The following FNDC1 variants were observed in gnomAD, a reference collection of about 807,000 sequenced individuals.
FNDC1 encodes the protein fibronectin type III domain containing 1.
Under a neutral mutation model 168.0 loss-of-function variants are expected in FNDC1, and 96 were observed. That is an observed-to-expected ratio of 0.57 (90% confidence interval 0.48 to 0.68). The LOEUF (loss-of-function observed/expected upper bound fraction) is 0.68. Among genes scored for constraint, FNDC1 ranks in the 30% least tolerant of loss-of-function variants. FNDC1 has a pLI of 0.00. For synonymous variants in FNDC1, 1,099 were observed against 1,025.9 expected, an observed-to-expected ratio of 1.07 and a Z score of -1.36; for missense variants, 2,587 against 2,482.1, an observed-to-expected ratio of 1.04 and a Z score of -0.90.
At chr6:159,176,092 G>A (rs1010883441) in intron 1 of FNDC1, among the ~76,000 whole-genome samples, 8 of 152,120 alleles carry the variant, frequency 5.3e-5, no homozygotes, top group African/African-American at 7.2e-5. Context: ...ATGGTGTCAC[G>A]TCCCTTCATC....
chr6:159,233,600 C>T lies in FNDC1; in HGVS notation c.3088C>T (p.Gln1030Ter). 6.3e-7 allele frequency: 1 copy of T among 1,578,648 alleles called. No individual in the cohort carries two copies. Among genetic ancestry groups the T allele is most frequent in the Non-Finnish European group, 8.6e-7 (1 of 1,165,498 alleles). Reference sequence around the variant, plus strand: ...CAGAGACGCGGGTCGGTCACCTTCCCAGCCCAGGCTCTCACTGACCCAGGC... The same window carrying T: ...CAGAGACGCGGGTCGGTCACCTTCCTAGCCCAGGCTCTCACTGACCCAGGC... ...QSRDAGRSPS[Q>*]PRLSLTQAGR... The change falls in exon 11 of 23, where the codon CAG becomes TAG. Residue 1030 changes from glutamine to a stop codon, truncating the protein, a stop_gained. Transcript: ENST00000297267. LOFTEE classifies it high-confidence loss of function. This position sits in a 1 kb window ranked among gnomAD's most constrained non-coding sequence, Gnocchi z 4.6.
intron 1 of FNDC1, among the ~76,000 whole-genome samples, chr6:159,170,913 A>G (rs935134811): frequency 6.6e-6 from 1 of 152,184 alleles, no homozygotes; most frequent in Non-Finnish European, 1.5e-5. Context: ...AAGTCTTCCA[A>G]CTTCCCCACC....
chr6:159,217,451 C>G (rs1185586909), intron 5 of FNDC1, among the ~76,000 whole-genome samples: 1 of 152,196 alleles, frequency 6.6e-6, no homozygotes, highest in Non-Finnish European at 1.5e-5. Flanking sequence ...TAAGCTGACT[C>G]TACTTTGTGT....
intron 1 of FNDC1, among the ~76,000 whole-genome samples, chr6:159,178,107 A>G (rs1488591036): frequency 6.6e-6 from 1 of 152,110 alleles, no homozygotes; most frequent in Non-Finnish European, 1.5e-5. Context: ...TGATAACAAG[A>G]GCTCTCAGCA....
At chr6:159,208,070 G>A (rs1782525956) in intron 4 of FNDC1, among the ~76,000 whole-genome samples, 1 of 152,220 alleles carries the variant, frequency 6.6e-6, no homozygotes, top group South Asian at 2.1e-4. Context: ...TGGATCTAGA[G>A]TAGATGCTTC....
intron 1 of FNDC1, among the ~76,000 whole-genome samples, chr6:159,171,056 G>A (rs1781646259): frequency 6.6e-6 from 1 of 152,040 alleles, no homozygotes; most frequent in Non-Finnish European, 1.5e-5. Flanking sequence ...CTGCTTTTCC[G>A]ATTCCTCTGC....
chr6:159,197,355 A>T (rs2485358), intron 1 of FNDC1, 76 bp from the exon 2 acceptor site: 55 of 1,335,358 alleles, frequency 4.1e-5, no homozygotes, highest in Non-Finnish European at 5.6e-5. Flanking sequence ...TTTCCTAACA[A>T]TATCAAAGAC....
intron 4 of FNDC1, among the ~76,000 whole-genome samples, chr6:159,210,020 G>C (rs1782565386): frequency 6.6e-6 from 1 of 152,204 alleles, no homozygotes; most frequent in South Asian, 2.1e-4. Context: ...ATAGTGCACT[G>C]AGCAGATCTT....
At chr6:159,204,026 A>G (rs1782432743) in intron 4 of FNDC1, among the ~76,000 whole-genome samples, 1 of 152,240 alleles carries the variant, frequency 6.6e-6, no homozygotes. Context: ...AACTAGGCCT[A>G]GTACTGAAAT....
At chr6:159,187,320 C>T (rs1442071527) in intron 1 of FNDC1, among the ~76,000 whole-genome samples, 2 of 152,178 alleles carry the variant, frequency 1.3e-5, no homozygotes, top group Non-Finnish European at 2.9e-5. Context: ...GCACCTGGGA[C>T]ACCTGCTTGC....
chr6:159,192,527 G>A (rs1388119332), intron 1 of FNDC1, among the ~76,000 whole-genome samples: 1 of 152,204 alleles, frequency 6.6e-6, no homozygotes, highest in Admixed American at 6.5e-5. Flanking sequence ...CCATGGATAT[G>A]CCTGGACACT....
At chr6:159,260,717 G>A (rs977223011) in intron 18 of FNDC1, among the ~76,000 whole-genome samples, 1 of 152,168 alleles carries the variant, frequency 6.6e-6, no homozygotes, top group African/African-American at 2.4e-5. Flanking sequence ...TCTTTTGCAT[G>A]GACTCCAGGG....
At chr6:159,270,471 C>T (rs1172698001) in intron 22 of FNDC1, among the ~76,000 whole-genome samples, 1 of 152,124 alleles carries the variant, frequency 6.6e-6, no homozygotes, top group Non-Finnish European at 1.5e-5. Context: ...GTTACTAGTG[C>T]CTGCATTATC....
chr6:159,208,844 A>ATTTTTTT (rs369408600), intron 4 of FNDC1, among the ~76,000 whole-genome samples: 36 of 128,078 alleles, frequency 2.8e-4, no homozygotes, highest in African/African-American at 8.3e-4. Context: ...GTTATTTTTA[A>ATTTTTTT]TTTTTTTTTT....
Position 159,232,803 on chromosome 6 carries a change from C to T in FNDC1, c.2291C>T (p.Ser764Phe). Residue 764 changes from serine to phenylalanine, a missense_variant, in exon 11 of 23, where the codon TCC becomes TTC. Transcript: ENST00000297267. The surrounding 1 kb of genome is among the most constrained non-coding windows in gnomAD (Gnocchi z 4.9). ...AATGCGCCATCACGGTCCACCATGT[C>T]CTCCTCCGTCTCTTCTCATCTCTCG... ...NSNAPSRSTMSSSVSSHLSSR... is the reference protein window; with the variant it reads ...NSNAPSRSTMFSSVSSHLSSR... 6.2e-7 allele frequency: 1 copy of T among 1,613,984 alleles called. No individual in the cohort carries two copies. Among genetic ancestry groups the T allele is most frequent in the Non-Finnish European group, 8.5e-7 (1 of 1,179,902 alleles).
intron 11 of FNDC1, 36 bp from the exon 12 acceptor site, chr6:159,236,179 C>A: frequency 6.7e-7 from 1 of 1,497,468 alleles, no homozygotes; most frequent in Non-Finnish European, 9.2e-7. Context: ...GTTGAATTTA[C>A]CAGGCTCTGT....
intron 22 of FNDC1, among the ~76,000 whole-genome samples, chr6:159,269,514 G>GCATC (rs1159382501): frequency 0.014 from 1,166 of 85,854 alleles, 21 homozygotes; most frequent in Middle Eastern, 0.025. Context: ...ATCCATCCAT[G>GCATC]CATCCATCCA....
At chr6:159,249,003 G>T in intron 15 of FNDC1, 36 bp from the exon 16 acceptor site, 8 of 1,567,022 alleles carry the variant, frequency 5.1e-6, no homozygotes, top group Non-Finnish European at 6.0e-6. Context: ...TCCTTTTCTG[G>T]CAGTGCCCAA....
chr6:159,179,724 G>T (rs1781841651), intron 1 of FNDC1, among the ~76,000 whole-genome samples: 1 of 152,222 alleles, frequency 6.6e-6, no homozygotes, highest in Non-Finnish European at 1.5e-5. Flanking sequence ...AGGACATTGT[G>T]TTGGTTTTAT....
Sources: gnomAD v4.1 joint callset for allele counts (sites outside exome capture counted in the v4.1 genomes callset) on GRCh38, gnomAD v4.1.1 for gene constraint, Gnocchi (gnomAD v3.1) non-coding constraint, MANE v1.5 for transcripts, NCBI Gene and HGNC (gene_info 2026-07-23, HGNC 2026-07-21) for gene names.